Variants in PPME1 observed in about 807,000 individuals in gnomAD.
The protein encoded by PPME1 is protein phosphatase methylesterase 1.
A neutral mutation model predicts 56.9 loss-of-function variants in PPME1; 17 were observed. The observed-to-expected ratio is 0.30, with a 90% CI of 0.20 to 0.45. The LOEUF (loss-of-function observed/expected upper bound fraction) is 0.45. Ranked by LOEUF, PPME1 falls within the 20% of genes least tolerant of loss-of-function variation. PPME1 has a pLI of 1.00. For missense variants in PPME1, 357 were observed against 483.2 expected (o/e 0.74, Z 2.45); for synonymous variants, 122 against 156.2 (o/e 0.78, Z 1.63).
chr11:74,235,281 C>G (rs1239194009), intron 7 of PPME1, among the ~76,000 whole-genome samples: 1 of 152,142 alleles, frequency 6.6e-6, no homozygotes, highest in African/African-American at 2.4e-5. Flanking sequence ...TTCAGATAGC[C>G]TAAGCCCTGT....
chr11:74,218,241 G>A (rs1858708485), intron 3 of PPME1, among the ~76,000 whole-genome samples: 1 of 152,064 alleles, frequency 6.6e-6, no homozygotes, highest in Non-Finnish European at 1.5e-5. Flanking sequence ...AAACACTGAT[G>A]AAAGAAATTG....
At chr11:74,184,797 A>G (rs1238711974) in intron 1 of PPME1, among the ~76,000 whole-genome samples, 2 of 152,084 alleles carry the variant, frequency 1.3e-5, no homozygotes, top group Non-Finnish European at 2.9e-5. Context: ...ATTTTAATCA[A>G]TGGGAACTTC....
At position 74,254,210 on chromosome 11, in the gene PPME1, G is replaced by A. The variant is rs1045017181; in HGVS notation, c.*700G>A. 8.3e-4 allele frequency: 127 copies of A among 153,064 alleles called. No homozygotes were observed. The highest frequency in any genetic ancestry group is 1.1e-3 in the Non-Finnish European group (72 of 68,380). The allele number at this position is 153,064 out of a possible 1,614,324, so 9.5% of individuals were successfully genotyped here. A position where few individuals can be genotyped will look rare whatever the true frequency, so the allele number is the denominator to read the frequency against. On this transcript the variant is annotated 3_prime_UTR_variant, in exon 14 of 14. Coordinates refer to ENST00000328257, the MANE Select transcript of PPME1 (RefSeq NM_016147.3). ...CTGGGCTGAGGCCAGGCTGCTCCAGGGGCCTCCTGCGCCCTCACCTGCCAC... is the reference window on the plus strand; with the variant it reads ...CTGGGCTGAGGCCAGGCTGCTCCAGAGGCCTCCTGCGCCCTCACCTGCCAC...
rs1225788323 is a variant in PPME1 at position 74,171,486 on chromosome 11, G to A, written c.65G>A (p.Ser22Asn). ...RLPSRPPLPG[S>N]GGSQSGAKMR... ...CCCTCTCGCCCACCTCTACCCGGCA[G>A]CGGGGGCAGTCAGAGCGGAGCCAAG... The change falls in exon 1 of 14, where the codon AGC becomes AAC. Residue 22 changes from serine (S) to asparagine (N), a missense_variant. Transcript: ENST00000328257. 6.2e-7 allele frequency: 1 copy of A among 1,613,458 alleles called. No individual in the cohort carries two copies. Among genetic ancestry groups the A allele is most frequent in the South Asian group, 1.1e-5 (1 of 90,972 alleles).
At chr11:74,235,992 C>A in intron 8 of PPME1, 26 bp downstream of exon 8, 1 of 1,607,756 alleles carries the variant, frequency 6.2e-7, no homozygotes, top group South Asian at 1.1e-5. Context: ...CCCCCTTGGT[C>A]TGGTTAGAGG....
At position 74,230,008 on chromosome 11, in the gene PPME1, G is replaced by A. The variant is rs1320230930; in HGVS notation, c.399-237G>A. Reference sequence around the variant, plus strand: ...AAAGTGTGATGTAAAGGAAAATTCAGTAATTTGGGTTCTTAGTCCTTTACC... The same window carrying A: ...AAAGTGTGATGTAAAGGAAAATTCAATAATTTGGGTTCTTAGTCCTTTACC... On this transcript the variant is annotated intron_variant, in intron 5 of 13. Coordinates refer to ENST00000328257, the MANE Select transcript of PPME1 (RefSeq NM_016147.3). This position sits in a 1 kb window ranked among gnomAD's most constrained non-coding sequence, Gnocchi z 4.9. Among the ~76,000 whole-genome samples the A allele has an allele frequency of 6.6e-6, 1 of 152,212 alleles. No individual in the cohort carries two copies. The highest frequency in any genetic ancestry group is 1.5e-5 in the Non-Finnish European group (1 of 68,036).
chr11:74,230,097 GT>G lies in PPME1; in HGVS notation c.399-145del. On this transcript the variant is annotated intron_variant, in intron 5 of 13. Transcript: ENST00000328257. This position sits in a 1 kb window ranked among gnomAD's most constrained non-coding sequence, Gnocchi z 4.9. ...ATTGATGCTGGGGACATGTTAGAAG[GT>G]TTACATAGGTATGTTTGTAAGATGG... is the stretch of plus-strand genomic sequence containing the variant. 3 of 793,052 alleles carry G rather than the reference GT, an allele frequency of 3.8e-6. No individual in the cohort carries two copies. The highest frequency in any genetic ancestry group is 5.9e-6 in the Non-Finnish European group (3 of 509,490). The allele number at this position is 793,052 out of a possible 1,614,324, so 49.1% of individuals were successfully genotyped here. A position where few individuals can be genotyped will look rare whatever the true frequency, so the allele number is the denominator to read the frequency against.
chr11:74,251,484 T>C, intron 12 of PPME1, 164 bp from the exon 13 acceptor site: 1 of 1,440,168 alleles, frequency 6.9e-7, no homozygotes, highest in South Asian at 1.5e-5. Context: ...AGGAGTCTTC[T>C]AGCTCTGCTA....
At chr11:74,210,990 A>C (rs1858458908) in intron 3 of PPME1, among the ~76,000 whole-genome samples, 1 of 152,236 alleles carries the variant, frequency 6.6e-6, no homozygotes, top group Admixed American at 6.5e-5. Context: ...CAACTGACAA[A>C]CTACTAGTTA....
At chr11:74,220,842 A>G (rs769418292) in intron 3 of PPME1, among the ~76,000 whole-genome samples, 50 of 152,192 alleles carry the variant, frequency 3.3e-4, no homozygotes, top group Non-Finnish European at 5.4e-4. Flanking sequence ...ACTATTTGTG[A>G]CAAGATCTGG....
intron 3 of PPME1, among the ~76,000 whole-genome samples, chr11:74,218,237 T>C (rs1858708321): frequency 1.3e-5 from 2 of 151,962 alleles, no homozygotes; most frequent in African/African-American, 4.8e-5. Context: ...TATAAAACAC[T>C]GATGAAAGAA....
intron 1 of PPME1, among the ~76,000 whole-genome samples, chr11:74,183,375 T>C (rs896288927): frequency 2.6e-5 from 4 of 152,220 alleles, no homozygotes; most frequent in Admixed American, 1.3e-4. Context: ...TTTAGTTATA[T>C]GAAACATTCC....
chr11:74,173,664 C>T (rs189645681), intron 1 of PPME1, among the ~76,000 whole-genome samples: 90 of 152,280 alleles, frequency 5.9e-4, no homozygotes, highest in African/African-American at 2.1e-3. Context: ...GCCTCAGCCT[C>T]CCAAGTAGCT....
intron 3 of PPME1, among the ~76,000 whole-genome samples, chr11:74,220,685 G>A (rs1460572077): frequency 1.3e-5 from 2 of 152,192 alleles, no homozygotes; most frequent in African/African-American, 4.8e-5. Flanking sequence ...TTGCTGACTG[G>A]CACATAGATT....
At chr11:74,222,467 AC>A in intron 4 of PPME1, 98 bp downstream of exon 4, 1 of 1,067,148 alleles carries the variant, frequency 9.4e-7, no homozygotes, top group Non-Finnish European at 1.4e-6. Flanking sequence ...CCATAAAATA[AC>A]CTGGTCTATT....
intron 9 of PPME1, among the ~76,000 whole-genome samples, chr11:74,244,785 A>G (rs1859464334): frequency 6.6e-6 from 1 of 152,160 alleles, no homozygotes; most frequent in South Asian, 2.1e-4. Flanking sequence ...AATCATTACC[A>G]AGTCTACTGT....
At chr11:74,229,831 G>A (rs953772311) in intron 5 of PPME1, among the ~76,000 whole-genome samples, 2 of 152,136 alleles carry the variant, frequency 1.3e-5, no homozygotes. Flanking sequence ...TGATTCTGAG[G>A]TTTACTACAT....
chr11:74,244,955 C>G (rs1013423072), intron 9 of PPME1, among the ~76,000 whole-genome samples: 4 of 152,142 alleles, frequency 2.6e-5, no homozygotes, highest in Admixed American at 2.6e-4. Flanking sequence ...GTTGAAGAGA[C>G]TGTTCTTTCC....
chr11:74,200,374 T>A (rs896531754), intron 1 of PPME1, among the ~76,000 whole-genome samples: 1 of 151,338 alleles, frequency 6.6e-6, no homozygotes. Context: ...TGTGTGTGTG[T>A]GTGTGTGTGT....
Sources: allele counts gnomAD v4.1 joint callset (sites outside exome capture counted in the v4.1 genomes callset), GRCh38; gene constraint gnomAD v4.1.1; non-coding constraint Gnocchi (gnomAD v3.1); transcripts MANE v1.5; gene names NCBI Gene and HGNC (gene_info 2026-07-23, HGNC 2026-07-21).